Variants in DAB1 observed in about 807,000 individuals in gnomAD.
DAB1 encodes the protein DAB adaptor protein 1.
Under a neutral mutation model 64.6 loss-of-function variants are expected in DAB1, and 15 were observed. The ratio of observed to expected loss-of-function variants is 0.23; its 90% CI spans 0.16 to 0.36. The LOEUF is 0.36. Among genes scored for constraint, DAB1 ranks in the 10% least tolerant of loss-of-function variants. DAB1 has a pLI of 1.00. For synonymous variants in DAB1, 235 were observed against 251.9 expected (o/e 0.93, Z 0.64); for missense variants, 596 against 706.7 (o/e 0.84, Z 1.78).
intron 5 of DAB1, among the ~76,000 whole-genome samples, chr1:57,943,295 C>A (rs1270976763): frequency 6.6e-6 from 1 of 152,102 alleles, no homozygotes; most frequent in Non-Finnish European, 1.5e-5. Context: ...AGAGTAAACC[C>A]AATTGCACAC....
intron 2 of DAB1, among the ~76,000 whole-genome samples, chr1:58,509,347 G>C (rs1646037082): frequency 6.6e-6 from 1 of 151,308 alleles, no homozygotes; most frequent in South Asian, 2.1e-4. Context: ...ATGTAAAAAA[G>C]TACTAAACAG....
At chr1:58,332,864 G>A (rs115941594) in intron 4 of DAB1, among the ~76,000 whole-genome samples, 1,859 of 152,158 alleles carry the variant, frequency 0.012, 18 homozygotes, top group Non-Finnish European at 0.019. Flanking sequence ...GGAAATATGG[G>A]ATCCTAAATC....
chr1:58,131,763 G>A (rs1236513259), intron 5 of DAB1, among the ~76,000 whole-genome samples: 3 of 148,450 alleles, frequency 2.0e-5, no homozygotes. Context: ...TCCCAGTTAG[G>A]CTGCTCGGGG....
At chr1:57,780,212 T>C (rs1466429050) in intron 6 of DAB1, among the ~76,000 whole-genome samples, 3 of 152,116 alleles carry the variant, frequency 2.0e-5, no homozygotes, top group Non-Finnish European at 4.4e-5. Flanking sequence ...GGGCCAGTTA[T>C]ATTTCTCATA....
chr1:58,246,220 A>G (rs1660521931), intron 4 of DAB1, among the ~76,000 whole-genome samples: 1 of 152,242 alleles, frequency 6.6e-6, no homozygotes, highest in Non-Finnish European at 1.5e-5. Flanking sequence ...TAGTCATTAA[A>G]CATCAATCAT....
chr1:58,316,869 T>A (rs1309814136), intron 4 of DAB1, among the ~76,000 whole-genome samples: 1 of 152,218 alleles, frequency 6.6e-6, no homozygotes, highest in Non-Finnish European at 1.5e-5. Flanking sequence ...GAATAAATAT[T>A]CCTTCTCAAG....
intron 6 of DAB1, among the ~76,000 whole-genome samples, chr1:57,725,567 G>C (rs1379463530): frequency 6.6e-6 from 1 of 152,120 alleles, no homozygotes; most frequent in Admixed American, 6.5e-5. Context: ...TGGTCTTTGT[G>C]GGGATCTGAC....
intron 5 of DAB1, among the ~76,000 whole-genome samples, chr1:57,960,493 T>TAAAAAAAAAAAAAAAAAAAAAA (rs34447871): frequency 7.2e-6 from 1 of 139,554 alleles, no homozygotes; most frequent in Non-Finnish European, 1.5e-5. Flanking sequence ...GGAACCAAAT[T>TAAAAAAAAAAAAAAAAAAAAAA]AAAAAAAAAA....
chr1:58,485,257 G>A (rs76509781), intron 3 of DAB1, among the ~76,000 whole-genome samples: 847 of 68,146 alleles, frequency 0.012, 5 homozygotes, highest in African/African-American at 0.034. Flanking sequence ...AAAAAAAAAA[G>A]CTGGCCTGGA....
chr1:57,825,149 A>C (rs1025153192), downstream of DAB1, among the ~76,000 whole-genome samples: 1 of 152,216 alleles, frequency 6.6e-6, no homozygotes, highest in African/African-American at 2.4e-5. Flanking sequence ...AACATAGTCA[A>C]CTTCATTCCC....
At chr1:57,559,876 G>A (rs1422904753) in intron 7 of DAB1, among the ~76,000 whole-genome samples, 1 of 152,190 alleles carries the variant, frequency 6.6e-6, no homozygotes, top group Non-Finnish European at 1.5e-5. Context: ...GCGAAGATTA[G>A]TGCCACCATC....
intron 4 of DAB1, among the ~76,000 whole-genome samples, chr1:58,305,688 T>G: frequency 6.6e-6 from 1 of 152,172 alleles, no homozygotes; most frequent in East Asian, 1.9e-4. Context: ...TCATCATAAT[T>G]ACCAAAAAAG....
At chr1:58,538,185 T>C (rs893628109) in intron 1 of DAB1, among the ~76,000 whole-genome samples, 16 of 152,148 alleles carry the variant, frequency 1.1e-4, no homozygotes, top group African/African-American at 3.6e-4. Flanking sequence ...CTTTCTTCCA[T>C]CTTCATAAAA....
At chr1:57,162,173 C>G (rs1557840517) in intron 2 of DAB1, among the ~76,000 whole-genome samples, 2 of 152,240 alleles carry the variant, frequency 1.3e-5, no homozygotes, top group African/African-American at 2.4e-5. Flanking sequence ...ATCTTCCCCT[C>G]CTTTCTTCTG....
intron 1 of DAB1, among the ~76,000 whole-genome samples, chr1:58,529,907 G>A (rs971510840): frequency 6.6e-6 from 1 of 151,744 alleles, no homozygotes; most frequent in Non-Finnish European, 1.5e-5. Flanking sequence ...TTGAGATGTA[G>A]TCTCACTCTG....
intron 3 of DAB1, among the ~76,000 whole-genome samples, chr1:58,355,878 C>A (rs1445986336): frequency 1.3e-5 from 2 of 152,180 alleles, no homozygotes; most frequent in Non-Finnish European, 2.9e-5. Context: ...AGGCATGGGT[C>A]TGATCAGCTG....
At chr1:58,014,442 C>T (rs1403795639) in intron 5 of DAB1, among the ~76,000 whole-genome samples, 1 of 152,214 alleles carries the variant, frequency 6.6e-6, no homozygotes, top group African/African-American at 2.4e-5. Flanking sequence ...GTCACTGCTA[C>T]ACTCTTTTGG....
At chr1:57,803,456 A>T (rs1286864380) in intron 6 of DAB1, among the ~76,000 whole-genome samples, 3 of 152,262 alleles carry the variant, frequency 2.0e-5, no homozygotes, top group African/African-American at 7.2e-5. Context: ...CAGAAGCCAG[A>T]GGAAAACAAC....
intron 3 of DAB1, among the ~76,000 whole-genome samples, chr1:58,490,624 C>A (rs1645664338): frequency 6.6e-6 from 1 of 151,840 alleles, no homozygotes; most frequent in South Asian, 2.1e-4. Flanking sequence ...AAGAGCAACT[C>A]CAAGACACAT....
Sources: gnomAD v4.1 joint callset for allele counts (sites outside exome capture counted in the v4.1 genomes callset) on GRCh38, gnomAD v4.1.1 for gene constraint, MANE v1.5 for transcripts, NCBI Gene and HGNC (gene_info 2026-07-23, HGNC 2026-07-21) for gene names.